WDR27: variants seen among roughly 807,000 people sequenced by gnomAD.
The protein encoded by WDR27 is WD repeat domain 27.
A neutral mutation model predicts 114.4 loss-of-function variants in WDR27; 100 were observed. The observed-to-expected ratio is 0.87, with a 90% CI of 0.74 to 1.03. The LOEUF (loss-of-function observed/expected upper bound fraction) is 1.03. WDR27 is among the 50% of genes least tolerant of loss of function. WDR27 has a pLI of 0.00. For synonymous variants in WDR27, 449 were observed against 423.1 expected (o/e 1.06, Z -0.75); for missense variants, 1,129 against 1,092.9 (o/e 1.03, Z -0.47).
intron 1 of WDR27, among the ~76,000 whole-genome samples, chr6:169,692,735 G>A (rs1284648786): frequency 6.6e-6 from 1 of 152,060 alleles, no homozygotes; most frequent in Non-Finnish European, 1.5e-5. Flanking sequence ...AACTCCATTG[G>A]CCCAAGAACC....
At chr6:169,577,402 G>A (rs549407298) in intron 24 of WDR27, among the ~76,000 whole-genome samples, 1 of 152,274 alleles carries the variant, frequency 6.6e-6, no homozygotes, top group South Asian at 2.1e-4. Context: ...TCGCCCACAG[G>A]GAAAGGGGAC....
chr6:169,649,231 T>C lies in WDR27; in HGVS notation c.1526A>G (p.Lys509Arg), dbSNP rs1480840779. Residue 509 changes from lysine to arginine, a missense_variant, in exon 15 of 26, where the codon AAA becomes AGA. Physicochemically the swap from Lys to Arg is conservative, Grantham distance 26. Transcript: ENST00000448612. The stretch of plus-strand genomic sequence containing the variant: ...GCTGCTCCTGCTCCTTGAAGATCCT[T>C]TCCCCTCACTCTTGATGTTGGTCTT... The part of the protein sequence containing the change: ...SPKTNIKSEG[K>R]GSSRSRSSCA... 13 of 1,578,706 alleles carry C rather than the reference T, an allele frequency of 8.2e-6. No individual in the cohort carries two copies. Among genetic ancestry groups the C allele is most frequent in the Non-Finnish European group, 1.1e-5 (13 of 1,161,518 alleles).
intron 2 of WDR27, among the ~76,000 whole-genome samples, chr6:169,674,057 G>A (rs990918146): frequency 6.6e-6 from 1 of 152,186 alleles, no homozygotes; most frequent in Non-Finnish European, 1.5e-5. Context: ...GACTGCCAGT[G>A]CCCTGAGCAT....
chr6:169,546,364 G>T (rs1797456802), intron 25 of WDR27, among the ~76,000 whole-genome samples: 1 of 152,198 alleles, frequency 6.6e-6, no homozygotes, highest in Admixed American at 6.5e-5. Flanking sequence ...CTGCTGGGCT[G>T]CAGGGACCTG....
At chr6:169,599,071 T>C (rs1042862405) in intron 23 of WDR27, among the ~76,000 whole-genome samples, 2 of 152,188 alleles carry the variant, frequency 1.3e-5, no homozygotes, top group South Asian at 2.1e-4. Flanking sequence ...ATGTGCCATG[T>C]TGGTGTGCTG....
At chr6:169,593,396 AT>A (rs1806147205) in intron 23 of WDR27, among the ~76,000 whole-genome samples, 2 of 152,234 alleles carry the variant, frequency 1.3e-5, no homozygotes, top group Non-Finnish European at 2.9e-5. Context: ...AGGCTTTCAT[AT>A]TAATTTGCAC....
chr6:169,633,657 G>A (rs924633715), intron 20 of WDR27, among the ~76,000 whole-genome samples: 6 of 152,316 alleles, frequency 3.9e-5, no homozygotes, highest in African/African-American at 1.4e-4. Flanking sequence ...ATGTGTATAG[G>A]TGGTGGGAAC....
At chr6:169,465,068 G>A (rs541798884) in intron 25 of WDR27, among the ~76,000 whole-genome samples, 2 of 152,116 alleles carry the variant, frequency 1.3e-5, no homozygotes, top group African/African-American at 2.4e-5. Flanking sequence ...AGAGCAGCCT[G>A]ACCAACATGG....
chr6:169,606,110 A>G (rs541698393), intron 22 of WDR27, among the ~76,000 whole-genome samples: 1 of 152,288 alleles, frequency 6.6e-6, no homozygotes, highest in Admixed American at 6.5e-5. Context: ...GACAAATATG[A>G]CTTAATTAAA....
At chr6:169,652,164 C>T (rs1822764928) in intron 13 of WDR27, among the ~76,000 whole-genome samples, 156 bp from the exon 14 acceptor site, 1 of 152,228 alleles carries the variant, frequency 6.6e-6, no homozygotes, top group Admixed American at 6.5e-5. Flanking sequence ...TGAAGTCACA[C>T]CAACCATCAT....
At chr6:169,432,877 T>C in the WDR27 span, among the ~76,000 whole-genome samples, 1 of 152,116 alleles carries the variant, frequency 6.6e-6, no homozygotes, top group African/African-American at 2.4e-5. Flanking sequence ...GTGGGAAAGT[T>C]TGGAACTTCC....
chr6:169,683,584 A>T (rs1168762052), intron 2 of WDR27, among the ~76,000 whole-genome samples: 1 of 152,140 alleles, frequency 6.6e-6, no homozygotes, highest in Non-Finnish European at 1.5e-5. Flanking sequence ...AGAGTGTGGA[A>T]GGAAGAGCAC....
chr6:169,659,010 T>G lies in WDR27; in HGVS notation c.1319+76A>C. 1 of 1,469,674 alleles carries G rather than the reference T, an allele frequency of 6.8e-7. No individual in the cohort carries two copies. The allele number at this position is 1,469,674 out of a possible 1,614,324, so 91.0% of individuals were successfully genotyped here. A position where few individuals can be genotyped will look rare whatever the true frequency, so the allele number is the denominator to read the frequency against. On this transcript the variant is annotated intron_variant, in intron 12 of 25. Coordinates refer to ENST00000448612, the MANE Select transcript of WDR27 (RefSeq NM_182552.5). The surrounding 1 kb of genome is among the most constrained non-coding windows in gnomAD (Gnocchi z 4.3). ...CCAGAGCTCAGAGTTTTCTAATCTT[T>G]ATTTCTGAACATAGAAATCCAGATG...
intron 25 of WDR27, among the ~76,000 whole-genome samples, chr6:169,536,184 C>T (rs957614846): frequency 6.6e-6 from 1 of 152,170 alleles, no homozygotes; most frequent in African/African-American, 2.4e-5. Context: ...CGGTTTATAA[C>T]TTGAGGACTT....
chr6:169,698,646 T>C (rs1353206734), intron 1 of WDR27, among the ~76,000 whole-genome samples: 2 of 152,234 alleles, frequency 1.3e-5, no homozygotes, highest in African/African-American at 2.4e-5. Context: ...CTGGACCACA[T>C]TTCCAGCCTC....
intron 25 of WDR27, chr6:169,559,838 A>C (rs959768279): frequency 6.6e-6 from 1 of 152,238 alleles, no homozygotes; most frequent in African/African-American, 2.4e-5. Flanking sequence ...CTGAAGTCAG[A>C]TCAATGAGGT....
chr6:169,633,437 G>A (rs2494688), intron 20 of WDR27, among the ~76,000 whole-genome samples: 124,834 of 152,194 alleles, frequency 0.82, 51,575 homozygotes, highest in East Asian at 0.96. Context: ...AGCAGAAAGG[G>A]CTGGACTAAG....
the WDR27 span, among the ~76,000 whole-genome samples, chr6:169,435,306 G>A: frequency 6.6e-6 from 1 of 152,218 alleles, no homozygotes; most frequent in Non-Finnish European, 1.5e-5. Context: ...TGTTGGGTGA[G>A]TCCCCACTGG....
At chr6:169,697,388 T>C (rs766836602) in intron 1 of WDR27, among the ~76,000 whole-genome samples, 4 of 152,054 alleles carry the variant, frequency 2.6e-5, no homozygotes, top group Non-Finnish European at 5.9e-5. Flanking sequence ...GTAGCCTCAG[T>C]GTCAAGGAAA....
Sources: allele counts gnomAD v4.1 joint callset (sites outside exome capture counted in the v4.1 genomes callset), GRCh38; gene constraint gnomAD v4.1.1; non-coding constraint Gnocchi (gnomAD v3.1); transcripts MANE v1.5; gene names NCBI Gene and HGNC (gene_info 2026-07-23, HGNC 2026-07-21).